The following CENATAC variants were observed in gnomAD, a reference collection of about 807,000 sequenced individuals.
The protein encoded by CENATAC is centrosomal AT-AC splicing factor, also known as coiled-coil domain containing 84.
CENATAC carries 53 observed loss-of-function variants against 53.7 expected under a neutral mutation model. The observed-to-expected ratio is 0.99, with a 90% CI of 0.79 to 1.24. The LOEUF is 1.24. Ranked by LOEUF, CENATAC falls within the 50% of genes most tolerant of loss-of-function variation. CENATAC has a pLI of 0.00. For synonymous variants in CENATAC, 156 were observed against 144.6 expected (o/e 1.08, Z -0.57); for missense variants, 474 against 417.8 (o/e 1.13, Z -1.17).
At chr11:118,999,768 G>T (rs925118641) in intron 3 of CENATAC, among the ~76,000 whole-genome samples, 3 of 152,158 alleles carry the variant, frequency 2.0e-5, no homozygotes, top group Non-Finnish European at 2.9e-5. Context: ...TCAGACTCCT[G>T]AGTAGCTGGG....
chr11:119,005,621 T>C (rs1297183948), intron 3 of CENATAC: 2 of 151,924 alleles, frequency 1.3e-5, no homozygotes, highest in Non-Finnish European at 2.9e-5. Context: ...TGCCTAGAAA[T>C]TTCTGGACTT....
chr11:119,010,648 A>ACT, intron 3 of CENATAC, 116 bp from the exon 4 acceptor site: 1 of 869,546 alleles, frequency 1.2e-6, no homozygotes, highest in Non-Finnish European at 1.9e-6. Context: ...TGCTTACTAT[A>ACT]CTGTTTTGTT....
intron 3 of CENATAC, among the ~76,000 whole-genome samples, chr11:119,001,015 T>C (rs11825929): frequency 6.6e-6 from 1 of 152,294 alleles, no homozygotes; most frequent in Admixed American, 6.5e-5. Flanking sequence ...TTTCTTGTAA[T>C]GTCATGACTT....
At chr11:119,011,310 C>A (rs973899845) in intron 5 of CENATAC, 27 bp downstream of exon 5, 10 of 1,610,656 alleles carry the variant, frequency 6.2e-6, no homozygotes, top group Non-Finnish European at 8.5e-6. Context: ...GGATCCAGAC[C>A]AGTATCCAAA....
intron 3 of CENATAC, among the ~76,000 whole-genome samples, chr11:119,009,371 C>T (rs554600245): frequency 9.2e-5 from 14 of 152,306 alleles, no homozygotes; most frequent in Middle Eastern, 3.4e-3. Context: ...TTGATCCACC[C>T]GTCTCGGCCT....
Position 118,998,253 on chromosome 11 carries a change from G to A in CENATAC, c.56G>A (p.Gly19Glu). 1.3e-6 allele frequency: 2 copies of A among 1,589,796 alleles called. No individual in the cohort carries two copies. The highest frequency in any genetic ancestry group is 1.7e-6 in the Non-Finnish European group (2 of 1,168,222). ...LCRQTFFCGRGHVYSRKHQRQ... is the reference protein window; with the variant it reads ...LCRQTFFCGREHVYSRKHQRQ... ...CGCCAGACCTTCTTCTGTGGTCGCG[G>A]GCACGTTTACAGCCGCAAGCACCAG... Residue 19 changes from glycine (G) to glutamate (E), a missense_variant, in exon 1 of 11, where the codon GGG becomes GAG. Transcript: ENST00000334418.
intron 8 of CENATAC, chr11:119,014,106 C>T (rs1565671359): frequency 1.3e-5 from 2 of 152,238 alleles, no homozygotes. Context: ...CGTTCCACCC[C>T]TAACTAGAGA....
At chr11:119,000,774 TC>T (rs1282330868) in intron 3 of CENATAC, among the ~76,000 whole-genome samples, 4 of 151,724 alleles carry the variant, frequency 2.6e-5, no homozygotes, top group African/African-American at 9.7e-5. Flanking sequence ...AAAAAAAAAT[TC>T]TTTTTTTTAA....
In CENATAC at chr11:118,998,268, G is replaced by T. The variant is rs782053254; in HGVS notation, c.71G>T (p.Arg24Leu). 4.4e-6 allele frequency: 7 copies of T among 1,595,328 alleles called. No homozygotes were observed. The highest frequency in any genetic ancestry group is 2.3e-5 in the South Asian group (2 of 88,402). ...TGTGGTCGCGGGCACGTTTACAGCCGCAAGCACCAGCGGCAGCTGAAGGAG... is the reference window on the plus strand; with the variant it reads ...TGTGGTCGCGGGCACGTTTACAGCCTCAAGCACCAGCGGCAGCTGAAGGAG... ...FFCGRGHVYS[R>L]KHQRQLKEAL... The change falls in exon 1 of 11, where the codon CGC becomes CTC. Residue 24 changes from arginine (R) to leucine (L), a missense_variant. Coordinates refer to ENST00000334418, the MANE Select transcript of CENATAC (RefSeq NM_198489.3).
Position 119,011,207 on chromosome 11 carries a change from C to A in CENATAC, c.451-14C>A, listed in dbSNP as rs1942853248. 6.2e-7 allele frequency: 1 copy of A among 1,612,338 alleles called. No individual in the cohort carries two copies. Among genetic ancestry groups the A allele is most frequent in the Non-Finnish European group, 8.5e-7 (1 of 1,178,716 alleles). The stretch of plus-strand genomic sequence containing the variant: ...CATGATCCTGTACCTGTCTAAGCAG[C>A]CTCTCTCCCACAGATGGCAGCTCAG... On this transcript the variant is annotated splice_polypyrimidine_tract_variant and intron_variant, in intron 4 of 10. Transcript: ENST00000334418.
At chr11:119,010,861 T>C (rs1343685279) in intron 4 of CENATAC, 31 bp downstream of exon 4, 12 of 1,601,470 alleles carry the variant, frequency 7.5e-6, no homozygotes, top group African/African-American at 1.3e-5. Flanking sequence ...CTCACCCTTT[T>C]TGCACCAGGG....
intron 8 of CENATAC, among the ~76,000 whole-genome samples, chr11:119,013,537 C>T (rs1248517919): frequency 2.7e-5 from 4 of 150,340 alleles, no homozygotes; most frequent in Admixed American, 1.3e-4. Flanking sequence ...GATCTCGGCT[C>T]ACTGCAAGCT....
At chr11:119,009,807 C>G (rs1942780779) in intron 3 of CENATAC, 1 of 152,118 alleles carries the variant, frequency 6.6e-6, no homozygotes, top group African/African-American at 2.4e-5. Flanking sequence ...AAGGAAGATA[C>G]AAGTAAGGAA....
At chr11:119,001,995 G>A (rs1010112268) in intron 3 of CENATAC, among the ~76,000 whole-genome samples, 1 of 151,960 alleles carries the variant, frequency 6.6e-6, no homozygotes, top group Admixed American at 6.6e-5. Context: ...AGGCCGAGGT[G>A]GGAGGATCAT....
chr11:118,999,639 G>A (rs1398261841), intron 3 of CENATAC, among the ~76,000 whole-genome samples: 1 of 151,304 alleles, frequency 6.6e-6, no homozygotes, highest in Non-Finnish European at 1.5e-5. Flanking sequence ...TTGTTTTTAC[G>A]TTTTTTTCTT....
At position 118,998,307 on chromosome 11, in the gene CENATAC, T is replaced by A. The variant is rs1254265344; in HGVS notation, c.110T>A (p.Leu37His). 1.2e-6 allele frequency: 2 copies of A among 1,608,686 alleles called. No homozygotes were observed. The highest frequency in any genetic ancestry group is 1.1e-5 in the South Asian group (1 of 90,172). The stretch of plus-strand genomic sequence containing the variant: ...CAGCTGAAGGAGGCTTTGGAGAGGC[T>A]CCTGCCCCAGGTGCGGAGGCAAGGC... ...QRQLKEALER[L>H]LPQVEAARKA... Residue 37 changes from leucine (L) to histidine (H), a missense_variant, in exon 1 of 11, where the codon CTC (leucine) becomes CAC (histidine). By Grantham distance (99) the Leu-to-His change is moderately conservative (BLOSUM62 -3). Coordinates refer to ENST00000334418, the MANE Select transcript of CENATAC (RefSeq NM_198489.3).
chr11:119,009,526 TGAG>T (rs1942769826), intron 3 of CENATAC: 1 of 152,180 alleles, frequency 6.6e-6, no homozygotes, highest in Non-Finnish European at 1.5e-5. Flanking sequence ...TGGGAGTTGA[TGAG>T]AAACCATTTG....
chr11:119,006,298 C>T (rs1326316799), intron 3 of CENATAC, among the ~76,000 whole-genome samples: 6 of 148,772 alleles, frequency 4.0e-5, no homozygotes, highest in Non-Finnish European at 8.9e-5. Flanking sequence ...TGCAGTGGTA[C>T]GATCTCGGCT....
At chr11:119,013,321 G>A in intron 8 of CENATAC, 59 bp downstream of exon 8, 1 of 1,336,034 alleles carries the variant, frequency 7.5e-7, no homozygotes, top group South Asian at 1.3e-5. Flanking sequence ...TTTTGAGATG[G>A]AGTCTTGTTC....
Sources: gnomAD v4.1 joint callset for allele counts (sites outside exome capture counted in the v4.1 genomes callset) on GRCh38, gnomAD v4.1.1 for gene constraint, MANE v1.5 for transcripts, NCBI Gene and HGNC (gene_info 2026-07-23, HGNC 2026-07-21) for gene names.